APLP2: variants seen among roughly 807,000 people sequenced by gnomAD.
APLP2 encodes amyloid beta precursor like protein 2.
A neutral mutation model predicts 89.9 loss-of-function variants in APLP2; 53 were observed. That is an observed-to-expected ratio of 0.59 (90% CI 0.47 to 0.74). The LOEUF (loss-of-function observed/expected upper bound fraction) is 0.74, where lower values mean the gene tolerates loss of function less well. Ranked by LOEUF, APLP2 falls within the 30% of genes least tolerant of loss-of-function variation. The pLI is 0.00. For missense variants in APLP2, 973 were observed against 975.9 expected, an observed-to-expected ratio of 1.00 and a Z score of 0.04; for synonymous variants, 372 against 348.6, an observed-to-expected ratio of 1.07 and a Z score of -0.75.
At chr11:130,107,112 C>CT (rs1420071904) in intron 1 of APLP2, among the ~76,000 whole-genome samples, 1 of 152,208 alleles carries the variant, frequency 6.6e-6, no homozygotes, top group Non-Finnish European at 1.5e-5. Context: ...CAGGTCATGA[C>CT]TTTTTTGCCC....
At chr11:130,070,514 G>GCGGCACCGGGGCCT in intron 1 of APLP2, 1 of 1,226,064 alleles carries the variant, frequency 8.2e-7, no homozygotes, top group Non-Finnish European at 1.0e-6. Flanking sequence ...GCTCCCTCGC[G>GCGGCACCGGGGCCT]CGGCACCGGG....
chr11:130,077,612 TAA>T (rs573298331), intron 1 of APLP2, among the ~76,000 whole-genome samples: 1 of 144,976 alleles, frequency 6.9e-6, no homozygotes. Context: ...GTTTTAGCCT[TAA>T]AAAAAAAAAC....
rs747279752 is a variant in APLP2 at position 130,133,619 on chromosome 11, C to T, written c.1585-10C>T. 2 of 1,609,038 alleles carry T rather than the reference C, an allele frequency of 1.2e-6. No homozygotes were observed. Among genetic ancestry groups the T allele is most frequent in the Non-Finnish European group, 1.7e-6 (2 of 1,175,462 alleles). On this transcript the variant is annotated splice_polypyrimidine_tract_variant and intron_variant, in intron 11 of 16. Transcript: ENST00000338167. ...GTCACAACACCTCTCCACCATAACT[C>T]TGCTTCCAGGTGATGACACATCTCC...
intron 1 of APLP2, among the ~76,000 whole-genome samples, chr11:130,086,007 G>A (rs555078376): frequency 8.5e-5 from 13 of 152,298 alleles, no homozygotes; most frequent in Non-Finnish European, 1.5e-4. Context: ...GAAAATTGGC[G>A]TACATGTAGA....
chr11:130,079,781 C>T (rs7946313), intron 1 of APLP2, among the ~76,000 whole-genome samples: 47,404 of 152,122 alleles, frequency 0.31, 12,648 homozygotes, highest in African/African-American at 0.73. Flanking sequence ...ATAGAAAAGA[C>T]AATAGCTAGT....
chr11:130,094,388 G>A (rs1344814872), intron 1 of APLP2, among the ~76,000 whole-genome samples: 1 of 151,790 alleles, frequency 6.6e-6, no homozygotes, highest in Non-Finnish European at 1.5e-5. Flanking sequence ...GAGGTTTTAC[G>A]ATGTTGGCCA....
chr11:130,136,172 CT>C (rs1310439905), intron 13 of APLP2, among the ~76,000 whole-genome samples: 3 of 152,152 alleles, frequency 2.0e-5, no homozygotes, highest in Non-Finnish European at 4.4e-5. Flanking sequence ...GGCAGACGTT[CT>C]TTCCTCTATT....
chr11:130,117,858 A>T (rs186305038), intron 3 of APLP2, among the ~76,000 whole-genome samples: 54 of 152,256 alleles, frequency 3.5e-4, no homozygotes, highest in African/African-American at 1.3e-3. Context: ...GTGGATCACA[A>T]GGTCAGTAGA....
chr11:130,089,432 G>A (rs1269773119), intron 1 of APLP2, among the ~76,000 whole-genome samples: 1 of 152,184 alleles, frequency 6.6e-6, no homozygotes, highest in Non-Finnish European at 1.5e-5. Flanking sequence ...GTCCGTGCAT[G>A]CCTCTGTTAC....
intron 1 of APLP2, among the ~76,000 whole-genome samples, chr11:130,107,853 G>T (rs1020081466): frequency 6.6e-6 from 1 of 152,174 alleles, no homozygotes; most frequent in Non-Finnish European, 1.5e-5. Flanking sequence ...CATGGTACTG[G>T]TACCAAAGCA....
At position 130,070,047 on chromosome 11, in the gene APLP2, A is replaced by C; in HGVS notation, c.70A>C (p.Thr24Pro). Residue 24 changes from threonine to proline, a missense_variant, in exon 1 of 17, where the codon ACG becomes CCG. Transcript: ENST00000338167. ...RLLLLLLVGLTAPALALAGYI... is the reference protein window; with the variant it reads ...RLLLLLLVGLPAPALALAGYI... ...CCTGCTTCTGCTGCTGGTGGGGCTC[A>C]CGGCGCCTGCCTTGGCGCTGGCCGG... is the stretch of plus-strand genomic sequence containing the variant. 6.6e-7 allele frequency: 1 copy of C among 1,508,398 alleles called. No homozygotes were observed. Among genetic ancestry groups the C allele is most frequent in the Non-Finnish European group, 8.8e-7 (1 of 1,136,712 alleles). 93.4% of individuals were successfully genotyped at this position (1,508,398 alleles called of 1,614,324 possible). A position where few individuals can be genotyped will look rare whatever the true frequency, so the allele number is the denominator to read the frequency against.
At chr11:130,139,912 A>G (rs1388717992) in intron 13 of APLP2, among the ~76,000 whole-genome samples, 1 of 152,030 alleles carries the variant, frequency 6.6e-6, no homozygotes, top group Non-Finnish European at 1.5e-5. Flanking sequence ...GGAAAATAAG[A>G]GTTTAGGTTG....
intron 10 of APLP2, 89 bp downstream of exon 10, chr11:130,129,295 T>A (rs1251928247): frequency 1.4e-6 from 2 of 1,439,552 alleles, no homozygotes; most frequent in Non-Finnish European, 1.9e-6. Context: ...GTGACATTTG[T>A]ATGACAAGTT....
chr11:130,090,733 C>G (rs1400117063), intron 1 of APLP2, among the ~76,000 whole-genome samples: 1 of 152,250 alleles, frequency 6.6e-6, no homozygotes, highest in African/African-American at 2.4e-5. Context: ...CTCCACTCCA[C>G]AAAGCCGCCA....
At chr11:130,121,026 C>T (rs1434345664) in intron 4 of APLP2, among the ~76,000 whole-genome samples, 1 of 152,114 alleles carries the variant, frequency 6.6e-6, no homozygotes, top group African/African-American at 2.4e-5. Flanking sequence ...ACAGTCAGCT[C>T]CTGAAGTTGA....
chr11:130,071,474 G>A (rs911657909), intron 1 of APLP2, among the ~76,000 whole-genome samples: 1 of 144,916 alleles, frequency 6.9e-6, no homozygotes, highest in East Asian at 2.2e-4. Context: ...TCCCTGATAT[G>A]TCGCATGAAA....
chr11:130,124,437 T>C (rs1950163797), intron 7 of APLP2, among the ~76,000 whole-genome samples: 1 of 152,168 alleles, frequency 6.6e-6, no homozygotes, highest in Non-Finnish European at 1.5e-5. Context: ...AGTGGTTCAG[T>C]TGAGTTGGGT....
intron 13 of APLP2, among the ~76,000 whole-genome samples, chr11:130,137,778 A>G (rs1461156662): frequency 6.6e-6 from 1 of 151,906 alleles, no homozygotes; most frequent in Non-Finnish European, 1.5e-5. Flanking sequence ...ATGTCCCCTG[A>G]GTTGTATATT....
chr11:130,132,868 A>T (rs926088535), intron 11 of APLP2, among the ~76,000 whole-genome samples: 1 of 152,224 alleles, frequency 6.6e-6, no homozygotes, highest in Non-Finnish European at 1.5e-5. Context: ...TTCAGCCAGT[A>T]ATTTCAGTCT....
Sources: allele counts gnomAD v4.1 joint callset (sites outside exome capture counted in the v4.1 genomes callset), GRCh38; gene constraint gnomAD v4.1.1; transcripts MANE v1.5; gene names NCBI Gene and HGNC (gene_info 2026-07-23, HGNC 2026-07-21).